ZNF385D: variants seen among roughly 807,000 people sequenced by gnomAD.
The protein encoded by ZNF385D is zinc finger protein 385D.
A neutral mutation model predicts 35.8 loss-of-function variants in ZNF385D; 15 were observed. That is an observed-to-expected ratio of 0.42 (90% CI 0.28 to 0.64). The LOEUF is 0.64. ZNF385D is among the 30% of genes least tolerant of loss of function. The pLI, the probability that ZNF385D is intolerant of heterozygous loss-of-function variation, is 0.23. For synonymous variants in ZNF385D, 212 were observed against 186.8 expected (o/e 1.13, Z -1.10); for missense variants, 474 against 494.6 (o/e 0.96, Z 0.39).
intron 3 of ZNF385D, among the ~76,000 whole-genome samples, chr3:21,992,124 T>C (rs1380596680): frequency 6.6e-6 from 1 of 152,154 alleles, no homozygotes; most frequent in Non-Finnish European, 1.5e-5. Flanking sequence ...AATCAGTACA[T>C]TATATTGTTA....
At chr3:21,913,567 CATTTT>C (rs1026173513) in intron 3 of ZNF385D, among the ~76,000 whole-genome samples, 1 of 152,084 alleles carries the variant, frequency 6.6e-6, no homozygotes, top group African/African-American at 2.4e-5. Flanking sequence ...AGCAACTCAT[CATTTT>C]ATTTTGTTTA....
chr3:21,654,206 G>A (rs2125228640), intron 2 of ZNF385D, among the ~76,000 whole-genome samples: 1 of 151,886 alleles, frequency 6.6e-6, no homozygotes, highest in East Asian at 1.9e-4. Flanking sequence ...TCTTTGACAG[G>A]TCCTTGAAAT....
chr3:21,516,273 A>T (rs1031895363), intron 3 of ZNF385D, among the ~76,000 whole-genome samples: 2 of 152,232 alleles, frequency 1.3e-5, no homozygotes, highest in African/African-American at 4.8e-5. Context: ...GGTGTCAGTG[A>T]ACTGGTTTTC....
intron 3 of ZNF385D, among the ~76,000 whole-genome samples, chr3:21,758,049 A>G (rs772519975): frequency 5.9e-5 from 9 of 152,162 alleles, no homozygotes; most frequent in Non-Finnish European, 1.0e-4. Flanking sequence ...TACAAGTTTT[A>G]TTCACTACCT....
chr3:21,676,553 A>C (rs940916547), intron 1 of ZNF385D, among the ~76,000 whole-genome samples: 7 of 152,106 alleles, frequency 4.6e-5, no homozygotes, highest in Non-Finnish European at 8.8e-5. Context: ...AGATCCACAC[A>C]ACCATATTTT....
intron 3 of ZNF385D, among the ~76,000 whole-genome samples, chr3:22,165,239 G>C (rs529102886): frequency 6.6e-6 from 1 of 152,190 alleles, no homozygotes; most frequent in Non-Finnish European, 1.5e-5. Context: ...TAGTGCGGAA[G>C]GCTGTGTGTG....
chr3:22,313,350 G>A (rs1703690318), intron 2 of ZNF385D, among the ~76,000 whole-genome samples: 1 of 151,828 alleles, frequency 6.6e-6, no homozygotes, highest in Non-Finnish European at 1.5e-5. Context: ...GTATACATAT[G>A]TAACAAACCT....
chr3:21,918,019 C>A (rs1700274053), intron 3 of ZNF385D, among the ~76,000 whole-genome samples: 1 of 152,144 alleles, frequency 6.6e-6, no homozygotes, highest in African/African-American at 2.4e-5. Flanking sequence ...ATTGATTGCT[C>A]AGGGAGGACT....
At chr3:21,801,545 C>T (rs975183627) in intron 3 of ZNF385D, among the ~76,000 whole-genome samples, 1 of 152,030 alleles carries the variant, frequency 6.6e-6, no homozygotes, top group Non-Finnish European at 1.5e-5. Flanking sequence ...TTTATGTAAC[C>T]AGAACTTAGA....
chr3:21,487,223 T>G (rs1457521175), intron 4 of ZNF385D, among the ~76,000 whole-genome samples: 1 of 152,134 alleles, frequency 6.6e-6, no homozygotes, highest in Non-Finnish European at 1.5e-5. Context: ...CTCCAGTGTT[T>G]TTTCTAACTC....
chr3:22,024,640 A>G (rs34829956), intron 3 of ZNF385D, among the ~76,000 whole-genome samples: 20,412 of 152,196 alleles, frequency 0.13, 1,796 homozygotes, highest in South Asian at 0.29. Context: ...GAGCACTGAT[A>G]GTGCTTGGCA....
chr3:22,091,052 A>T (rs1298763640), intron 3 of ZNF385D, among the ~76,000 whole-genome samples: 1 of 152,164 alleles, frequency 6.6e-6, no homozygotes, highest in Non-Finnish European at 1.5e-5. Context: ...GAGTGGATTC[A>T]ACAGGTGTTA....
chr3:21,993,856 T>G (rs761767539), intron 3 of ZNF385D, among the ~76,000 whole-genome samples: 1 of 152,182 alleles, frequency 6.6e-6, no homozygotes, highest in Non-Finnish European at 1.5e-5. Context: ...ATACCACAGC[T>G]GAAAAATGAG....
intron 3 of ZNF385D, among the ~76,000 whole-genome samples, chr3:22,123,927 TC>T (rs1228796899): frequency 0.022 from 1,168 of 53,688 alleles, 6 homozygotes; most frequent in Non-Finnish European, 0.036. Context: ...ACTCCATCTC[TC>T]TCTCTCTCTC....
At chr3:21,794,078 A>G (rs1446559730) in intron 3 of ZNF385D, among the ~76,000 whole-genome samples, 5 of 152,172 alleles carry the variant, frequency 3.3e-5, no homozygotes, top group Non-Finnish European at 7.3e-5. Context: ...GATGTAAAAA[A>G]CTACTGCTGA....
intron 3 of ZNF385D, among the ~76,000 whole-genome samples, chr3:21,794,792 C>G (rs1559628563): frequency 6.6e-6 from 1 of 152,184 alleles, no homozygotes; most frequent in Non-Finnish European, 1.5e-5. Context: ...GAAAAAGGCT[C>G]AATCTGAAAC....
chr3:21,840,608 G>A (rs1001039683), intron 3 of ZNF385D, among the ~76,000 whole-genome samples: 13 of 151,922 alleles, frequency 8.6e-5, no homozygotes, highest in African/African-American at 3.1e-4. Context: ...AATGCATTTG[G>A]GATTTGGCGA....
chr3:22,073,279 C>T (rs2125566598), intron 3 of ZNF385D, among the ~76,000 whole-genome samples: 1 of 148,756 alleles, frequency 6.7e-6, no homozygotes, highest in South Asian at 2.1e-4. Flanking sequence ...TTTTTATTTT[C>T]TAAATTACTT....
chr3:22,190,741 A>G (rs1016217535), intron 2 of ZNF385D, among the ~76,000 whole-genome samples: 1 of 152,138 alleles, frequency 6.6e-6, no homozygotes, highest in African/African-American at 2.4e-5. Flanking sequence ...AAACATATCC[A>G]TACACAGGAA....
Sources: gnomAD v4.1 joint callset for allele counts (sites outside exome capture counted in the v4.1 genomes callset) on GRCh38, gnomAD v4.1.1 for gene constraint, MANE v1.5 for transcripts, NCBI Gene and HGNC (gene_info 2026-07-23, HGNC 2026-07-21) for gene names.